Variants in CGNL1 observed in about 807,000 individuals in gnomAD.
The protein encoded by CGNL1 is cingulin like 1.
In CGNL1, 132 loss-of-function variants were observed where a neutral mutation model predicts 141.2. The ratio of observed to expected loss-of-function variants is 0.93; its 90% confidence interval spans 0.81 to 1.08. The LOEUF is 1.08. CGNL1 is among the 50% of genes least tolerant of loss of function. The probability of loss-of-function intolerance (pLI) is 0.00; values close to 1 mark genes in which losing one functional copy is unlikely to be tolerated. For synonymous variants in CGNL1, 690 were observed against 622.1 expected, an observed-to-expected ratio of 1.11 and a Z score of -1.63; for missense variants, 1,870 against 1,588.6, an observed-to-expected ratio of 1.18 and a Z score of -3.01.
chr15:57,468,326 C>T (rs111951224), intron 8 of CGNL1, among the ~76,000 whole-genome samples: 27 of 149,440 alleles, frequency 1.8e-4, no homozygotes, highest in Non-Finnish European at 3.7e-4. Context: ...CTTCAACCTC[C>T]GCCTCCTGGG....
Position 57,439,062 on chromosome 15 carries a change from C to T in CGNL1, c.1063C>T (p.Gln355Ter). The T allele has an allele frequency of 6.2e-7, 1 of 1,614,112 alleles. No individual in the cohort carries two copies. Among genetic ancestry groups the T allele is most frequent in the Non-Finnish European group, 8.5e-7 (1 of 1,180,010 alleles). ...TACAGGATCAATTCCTGGTGTGGAT[C>T]AGTTAATTGAAAAATTTGATCAAAA... is the stretch of plus-strand genomic sequence containing the variant. ...IDTGSIPGVD[Q>*]LIEKFDQKPG... The change falls in exon 2 of 19, where the codon CAG becomes TAG. Residue 355 changes from glutamine (Q) to a stop codon, truncating the protein, a stop_gained. Transcript: ENST00000281282. LOFTEE classifies it high-confidence loss of function.
chr15:57,393,747 C>T (rs1375010640), intron 1 of CGNL1, among the ~76,000 whole-genome samples: 1 of 152,050 alleles, frequency 6.6e-6, no homozygotes, highest in African/African-American at 2.4e-5. Flanking sequence ...TTGACATGAT[C>T]TTAGTATATA....
At chr15:57,488,840 C>T (rs1511949) in intron 8 of CGNL1, among the ~76,000 whole-genome samples, 1 of 152,000 alleles carries the variant, frequency 6.6e-6, no homozygotes, top group African/African-American at 2.4e-5. Flanking sequence ...AAATGACTTC[C>T]GGGCTGTCAA....
chr15:57,530,016 A>G (rs985852196), intron 13 of CGNL1, among the ~76,000 whole-genome samples: 2 of 152,198 alleles, frequency 1.3e-5, no homozygotes, highest in Non-Finnish European at 2.9e-5. Flanking sequence ...GCTAAGGTCA[A>G]CCCACTTAAC....
At chr15:57,413,221 T>TCCTCTCTC (rs750428591) in intron 1 of CGNL1, among the ~76,000 whole-genome samples, 2 of 137,020 alleles carry the variant, frequency 1.5e-5, no homozygotes, top group African/African-American at 2.8e-5. Context: ...CTTCCTCTCT[T>TCCTCTCTC]CCTCCCTCCC....
At chr15:57,492,492 G>C (rs1296264141) in intron 8 of CGNL1, among the ~76,000 whole-genome samples, 3 of 152,104 alleles carry the variant, frequency 2.0e-5, no homozygotes, top group African/African-American at 4.8e-5. Context: ...ACTTACAAAA[G>C]CACATAGAGT....
chr15:57,452,518 G>A lies in CGNL1; in HGVS notation c.2054+229G>A, dbSNP rs147352156. Among the ~76,000 whole-genome samples, 19 of 152,306 alleles carry A rather than the reference G, an allele frequency of 1.2e-4. No homozygotes were observed. In the East Asian group the frequency reaches 3.1e-3, roughly 25 times the overall value. ...ATTCTTTGTGCACCTTGAAGTATACGTTACAAAGTTTCAGTCCTTAAAGTG... is the reference window on the plus strand; with the variant it reads ...ATTCTTTGTGCACCTTGAAGTATACATTACAAAGTTTCAGTCCTTAAAGTG... On this transcript the variant is annotated intron_variant, in intron 6 of 18. Transcript: ENST00000281282.
At chr15:57,534,431 G>T (rs2032136198) in intron 14 of CGNL1, among the ~76,000 whole-genome samples, 1 of 152,242 alleles carries the variant, frequency 6.6e-6, no homozygotes, top group Non-Finnish European at 1.5e-5. Context: ...GGAGGGCAGA[G>T]AAATGGGTGG....
chr15:57,478,656 T>G (rs1327342860), intron 8 of CGNL1, among the ~76,000 whole-genome samples: 1 of 152,144 alleles, frequency 6.6e-6, no homozygotes, highest in African/African-American at 2.4e-5. Flanking sequence ...GTAGATTCTT[T>G]TTTTGAGAGT....
At chr15:57,432,419 G>A (rs1313615540) in intron 1 of CGNL1, among the ~76,000 whole-genome samples, 4 of 152,204 alleles carry the variant, frequency 2.6e-5, no homozygotes, top group African/African-American at 9.7e-5. Flanking sequence ...TCTTCCAAGA[G>A]CTAAGCCCTT....
At chr15:57,382,202 AG>A (rs1385839280) in intron 1 of CGNL1, among the ~76,000 whole-genome samples, 2 of 152,212 alleles carry the variant, frequency 1.3e-5, no homozygotes, top group Admixed American at 1.3e-4. Context: ...AAGGGCTTAG[AG>A]GCCATATGGA....
At chr15:57,406,142 G>C (rs1007479770) in intron 1 of CGNL1, 15 of 152,358 alleles carry the variant, frequency 9.8e-5, no homozygotes, top group African/African-American at 3.4e-4. Flanking sequence ...GGGGCGGAGA[G>C]AATCCTACCT....
rs761571155 is a variant in CGNL1, at chr15:57,517,004, CA to C, written c.2610+19del. The C allele has an allele frequency of 3.1e-6, 5 of 1,605,598 alleles. No individual in the cohort carries two copies. Among genetic ancestry groups the C allele is most frequent in the Non-Finnish European group, 3.4e-6 (4 of 1,175,770 alleles). ...AGTACGAGGTGAGGCTCGCTGGGCC[CA>C]GGCCCAGCTTTGGCAGCTGCTGCTC... On this transcript the variant is annotated intron_variant, in intron 9 of 18. Transcript: ENST00000281282.
chr15:57,528,689 G>C lies in CGNL1; in HGVS notation c.3075G>C (p.Gln1025His), dbSNP rs755126143. Residue 1025 changes from glutamine to histidine, a missense_variant, in exon 13 of 19, where the codon CAG becomes CAC. Transcript: ENST00000281282. ...RLMEEELRDY[Q>H]RAQDEALTKR... ...TGGAGGAAGAGTTACGGGACTACCA[G>C]AGAGCTCAGGATGAAGCACTCACAA... The C allele has an allele frequency of 6.2e-7, 1 of 1,614,140 alleles. No homozygotes were observed. Among genetic ancestry groups the C allele is most frequent in the African/African-American group, 1.3e-5 (1 of 75,030 alleles).
intron 8 of CGNL1, among the ~76,000 whole-genome samples, chr15:57,500,538 A>G (rs1337327355): frequency 6.6e-6 from 1 of 152,210 alleles, no homozygotes; most frequent in Non-Finnish European, 1.5e-5. Flanking sequence ...AATTCCAGCC[A>G]TCTCGGGGAA....
Position 57,438,812 on chromosome 15 carries a change from C to G in CGNL1, c.813C>G (p.Thr271=), listed in dbSNP as rs1209197747. ...SPHAHPETKK[T]RPDVLPFRRQ... ...ATGCCCACCCTGAAACCAAGAAAACCAGGCCAGATGTTCTTCCCTTCCGGC... is the reference window on the plus strand; with the variant it reads ...ATGCCCACCCTGAAACCAAGAAAACGAGGCCAGATGTTCTTCCCTTCCGGC... Residue 271 remains threonine, a synonymous_variant, in exon 2 of 19, where the codon ACC becomes ACG. Coordinates refer to ENST00000281282, the MANE Select transcript of CGNL1 (RefSeq NM_032866.5). 6.2e-7 allele frequency: 1 copy of G among 1,614,166 alleles called. No individual in the cohort carries two copies. Among genetic ancestry groups the G allele is most frequent in the South Asian group, 1.1e-5 (1 of 91,070 alleles).
chr15:57,378,878 T>C (rs1377300093), intron 1 of CGNL1, among the ~76,000 whole-genome samples: 8 of 152,366 alleles, frequency 5.3e-5, no homozygotes, highest in South Asian at 2.1e-4. Flanking sequence ...CTGCTACTAC[T>C]GTATTCACTT....
chr15:57,536,435 G>T (rs1469760094), intron 14 of CGNL1, among the ~76,000 whole-genome samples: 1 of 152,206 alleles, frequency 6.6e-6, no homozygotes, highest in Non-Finnish European at 1.5e-5. Flanking sequence ...AAACCTCTTG[G>T]ATGTTTGGAC....
chr15:57,391,826 C>T (rs1177848388), intron 1 of CGNL1, among the ~76,000 whole-genome samples: 1 of 152,052 alleles, frequency 6.6e-6, no homozygotes, highest in African/African-American at 2.4e-5. Flanking sequence ...TGTTGCTGCT[C>T]CACCCATCGT....
Sources: allele counts gnomAD v4.1 joint callset (sites outside exome capture counted in the v4.1 genomes callset), GRCh38; gene constraint gnomAD v4.1.1; transcripts MANE v1.5; gene names NCBI Gene and HGNC (gene_info 2026-07-23, HGNC 2026-07-21).